Variants in YJU2B observed in about 807,000 individuals in gnomAD.
The protein encoded by YJU2B is YJU2 splicing factor homolog B, also known as probable splicing factor YJU2B.
A neutral mutation model predicts 38.0 loss-of-function variants in YJU2B; 18 were observed. The observed-to-expected ratio is 0.47, with a 90% CI of 0.33 to 0.70. The LOEUF (loss-of-function observed/expected upper bound fraction) is 0.70. Among genes scored for constraint, YJU2B ranks in the 30% least tolerant of loss-of-function variants. YJU2B has a pLI of 0.02. For missense variants in YJU2B, 538 were observed against 556.3 expected (o/e 0.97, Z 0.33); for synonymous variants, 246 against 225.4 (o/e 1.09, Z -0.82).
chr19:13,742,676 G>T lies in YJU2B; in HGVS notation c.-201-8932G>T, dbSNP rs114707662. ...CTTTGTATCCCAGGCTGATGTTCAG[G>T]CTCCATCACTTGCCCTGTGCATTAA... On this transcript the variant is annotated intron_variant, in intron 2 of 10. Coordinates refer to the YJU2B transcript ENST00000586600. 8.2e-3 allele frequency among the ~76,000 whole-genome samples: 1,245 copies of T among 152,240 alleles called. 16 individuals carry two copies. The highest frequency in any genetic ancestry group is 0.029 in the African/African-American group (1,197 of 41,538).
At chr19:13,736,477 C>A (rs896373178) in intron 2 of YJU2B, among the ~76,000 whole-genome samples, 6 of 151,472 alleles carry the variant, frequency 4.0e-5, no homozygotes, top group African/African-American at 1.2e-4. Context: ...CCAGGCTGGT[C>A]TTGAACTCTG....
intron 2 of YJU2B, among the ~76,000 whole-genome samples, chr19:13,752,178 C>T (rs1206871692): frequency 6.6e-6 from 1 of 151,834 alleles, no homozygotes; most frequent in Non-Finnish European, 1.5e-5. Context: ...TGGTCTGAAA[C>T]TCCTGACCTC....
At position 13,759,011 on chromosome 19, in the gene YJU2B, G is replaced by A; in HGVS notation, c.400+1G>A. On this transcript the variant is annotated splice_donor_variant, in intron 7 of 9. Transcript: ENST00000221554. LOFTEE classifies it high-confidence loss of function. ...GACAATGAGCAGGTGCTGACCACAG[G>A]TGAGCGCCACCCACTTACCTGCCTG... The A allele has an allele frequency of 1.2e-6, 2 of 1,613,018 alleles. No homozygotes were observed. The highest frequency in any genetic ancestry group is 1.7e-6 in the Non-Finnish European group (2 of 1,179,474).
chr19:13,744,154 G>A (rs1228246772), upstream of YJU2B, among the ~76,000 whole-genome samples: 1 of 152,042 alleles, frequency 6.6e-6, no homozygotes, highest in African/African-American at 2.4e-5. Context: ...TCACGCCACA[G>A]GACTCCAGCT....
At chr19:13,754,462 T>C (rs447668) in intron 3 of YJU2B, 120 bp downstream of exon 3, 422,145 of 802,542 alleles carry the variant, frequency 0.53, 113,721 homozygotes, top group African/African-American at 0.73. Flanking sequence ...GTCTTCTGCA[T>C]GTCACCTGAG....
chr19:13,757,338 C>A, intron 4 of YJU2B, 80 bp from the exon 5 acceptor site: 1 of 1,208,030 alleles, frequency 8.3e-7, no homozygotes. Flanking sequence ...AAATCACAAC[C>A]GCGGCCAGAG....
upstream of YJU2B, among the ~76,000 whole-genome samples, chr19:13,743,609 A>G (rs968136854): frequency 8.5e-5 from 11 of 129,710 alleles, no homozygotes; most frequent in Admixed American, 2.4e-4. Context: ...AAAAAATAGA[A>G]AGCCTGGGCG....
chr19:13,758,847 C>G, intron 6 of YJU2B, 21 bp from the exon 7 acceptor site: 1 of 1,613,566 alleles, frequency 6.2e-7, no homozygotes, highest in East Asian at 2.2e-5. Flanking sequence ...CTCCTGACTC[C>G]TGCCCACCGC....
upstream of YJU2B, among the ~76,000 whole-genome samples, chr19:13,744,080 A>G (rs1355511553): frequency 6.6e-6 from 1 of 151,776 alleles, no homozygotes; most frequent in Admixed American, 6.6e-5. Flanking sequence ...AATCCCAGCT[A>G]CTTGGGAAGC....
chr19:13,746,985 G>A (rs1368400604), upstream of YJU2B, among the ~76,000 whole-genome samples: 4 of 152,036 alleles, frequency 2.6e-5, no homozygotes, highest in African/African-American at 9.7e-5. Context: ...TTATGGGAGG[G>A]TAAGGGGAGA....
chr19:13,741,208 G>T (rs1054311239), intron 2 of YJU2B, among the ~76,000 whole-genome samples: 5 of 140,088 alleles, frequency 3.6e-5, no homozygotes, highest in Non-Finnish European at 7.5e-5. Flanking sequence ...AAGCTGCAGT[G>T]CAATGGCGTG....
intron 8 of YJU2B, among the ~76,000 whole-genome samples, chr19:13,761,787 G>T (rs941585462): frequency 6.8e-6 from 1 of 147,546 alleles, no homozygotes; most frequent in Non-Finnish European, 1.5e-5. Context: ...CAGTGACAAC[G>T]ATCTCAGCCC....
intron 2 of YJU2B, among the ~76,000 whole-genome samples, chr19:13,738,361 T>G (rs1410946573): frequency 1.3e-5 from 2 of 152,202 alleles, no homozygotes; most frequent in Non-Finnish European, 2.9e-5. Flanking sequence ...ATGGATTGAT[T>G]TTCTTCTGAT....
chr19:13,737,872 G>A (rs1165046371), intron 2 of YJU2B, among the ~76,000 whole-genome samples: 2 of 152,018 alleles, frequency 1.3e-5, no homozygotes, highest in Non-Finnish European at 2.9e-5. Context: ...ATGCCCTTGG[G>A]AAATAATATA....
chr19:13,757,126 G>C (rs1973695780), intron 4 of YJU2B, among the ~76,000 whole-genome samples: 1 of 151,860 alleles, frequency 6.6e-6, no homozygotes. Context: ...GGGGAACAGA[G>C]CAAGACTCTG....
At chr19:13,733,079 G>A (rs1427865389) in intron 2 of YJU2B, among the ~76,000 whole-genome samples, 26 of 151,564 alleles carry the variant, frequency 1.7e-4, no homozygotes, top group African/African-American at 6.1e-4. Flanking sequence ...ACAGGTGCCC[G>A]CCACCTCACC....
At chr19:13,753,676 A>G (rs923980519) in intron 2 of YJU2B, among the ~76,000 whole-genome samples, 4 of 151,982 alleles carry the variant, frequency 2.6e-5, no homozygotes, top group Non-Finnish European at 5.9e-5. Context: ...GGGAGGCCTC[A>G]GGAAACTTAA....
At chr19:13,743,597 G>GA (rs1209635391), upstream of YJU2B, among the ~76,000 whole-genome samples, 3 of 136,796 alleles carry the variant, frequency 2.2e-5, no homozygotes, top group Non-Finnish European at 4.7e-5. Context: ...AAAAGAAAAA[G>GA]AAAAAAATAG....
intron 2 of YJU2B, among the ~76,000 whole-genome samples, chr19:13,732,800 G>T (rs547575366): frequency 2.0e-5 from 3 of 151,894 alleles, no homozygotes; most frequent in East Asian, 3.9e-4. Context: ...GTAGAGACCG[G>T]GTTTCACCGT....
Sources: gnomAD v4.1 joint callset for allele counts (sites outside exome capture counted in the v4.1 genomes callset) on GRCh38, gnomAD v4.1.1 for gene constraint, MANE v1.5 for transcripts, NCBI Gene and HGNC (gene_info 2026-07-23, HGNC 2026-07-21) for gene names.